Variants in ZNF385D observed in about 807,000 individuals in gnomAD.
The protein encoded by ZNF385D is zinc finger protein 385D, also known as zinc finger protein 659.
Under a neutral mutation model 35.8 loss-of-function variants are expected in ZNF385D, and 15 were observed. The observed-to-expected ratio is 0.42, with a 90% CI of 0.28 to 0.64. The LOEUF is 0.64. Ranked by LOEUF, ZNF385D falls within the 30% of genes least tolerant of loss-of-function variation. The pLI is 0.23. For missense variants in ZNF385D, 474 were observed against 494.6 expected, an observed-to-expected ratio of 0.96 and a Z score of 0.39; for synonymous variants, 212 against 186.8, an observed-to-expected ratio of 1.13 and a Z score of -1.10.
At chr3:22,073,977 T>C (rs547915818) in intron 3 of ZNF385D, among the ~76,000 whole-genome samples, 1 of 152,088 alleles carries the variant, frequency 6.6e-6, no homozygotes, top group South Asian at 2.1e-4. Flanking sequence ...ATTCCTTGTT[T>C]CTGCTTATAC....
At chr3:21,998,711 A>T (rs1695644854) in intron 3 of ZNF385D, among the ~76,000 whole-genome samples, 1 of 152,220 alleles carries the variant, frequency 6.6e-6, no homozygotes, top group African/African-American at 2.4e-5. Context: ...TATTTTGAGA[A>T]TGGTATTTTA....
chr3:22,203,592 G>A (rs1696950913), intron 2 of ZNF385D, among the ~76,000 whole-genome samples: 1 of 152,078 alleles, frequency 6.6e-6, no homozygotes. Flanking sequence ...GATGGCATTT[G>A]TGGACCCATC....
intron 3 of ZNF385D, among the ~76,000 whole-genome samples, chr3:21,847,184 T>C (rs986771738): frequency 6.6e-6 from 1 of 151,846 alleles, no homozygotes; most frequent in Non-Finnish European, 1.5e-5. Context: ...TTTTGATGAG[T>C]CATATATTTT....
intron 2 of ZNF385D, among the ~76,000 whole-genome samples, chr3:22,176,696 G>A (rs962734573): frequency 3.3e-5 from 5 of 152,114 alleles, no homozygotes; most frequent in African/African-American, 1.2e-4. Flanking sequence ...AGACTTTTTA[G>A]AATTGTAAGC....
intron 2 of ZNF385D, among the ~76,000 whole-genome samples, chr3:22,273,683 A>G (rs1190809994): frequency 6.6e-6 from 1 of 152,060 alleles, no homozygotes; most frequent in Non-Finnish European, 1.5e-5. Context: ...TCAGTGAGAG[A>G]ACGAGACAGA....
chr3:22,294,628 C>T (rs746419429), intron 2 of ZNF385D, among the ~76,000 whole-genome samples: 1 of 151,538 alleles, frequency 6.6e-6, no homozygotes, highest in Non-Finnish European at 1.5e-5. Context: ...TGAAAGAGAC[C>T]AGATTTGAAT....
intron 2 of ZNF385D, among the ~76,000 whole-genome samples, chr3:22,317,958 C>T (rs1703991318): frequency 1.3e-5 from 2 of 151,908 alleles, no homozygotes; most frequent in African/African-American, 4.8e-5. Flanking sequence ...TACTGGGAGG[C>T]TGCACTGGGA....
At chr3:21,773,100 C>T (rs974910383) in intron 3 of ZNF385D, among the ~76,000 whole-genome samples, 1 of 151,548 alleles carries the variant, frequency 6.6e-6, no homozygotes, top group Non-Finnish European at 1.5e-5. Context: ...TTCAGTTTTA[C>T]AAGATGAAAA....
At chr3:22,077,894 T>C (rs909854095) in intron 3 of ZNF385D, among the ~76,000 whole-genome samples, 3 of 151,976 alleles carry the variant, frequency 2.0e-5, no homozygotes, top group South Asian at 2.1e-4. Context: ...TTGTAGAAAA[T>C]GCTCAATCAC....
rs1705784104 is a variant in ZNF385D, at chr3:21,495,710, T to C, written c.439+15151A>G. On this transcript the variant is annotated intron_variant, in intron 4 of 7. Coordinates refer to ENST00000281523, the MANE Select transcript of ZNF385D (RefSeq NM_024697.3). ...GAAATAAAGAAAATCAAAGCTGAAC[T>C]GAAGGAAAGTGAGATGTAAAAAAAC... 1.3e-5 allele frequency among the ~76,000 whole-genome samples: 2 copies of C among 151,484 alleles called. 1 individual carries two copies. Among genetic ancestry groups the C allele is most frequent in the Non-Finnish European group, 2.9e-5 (2 of 67,864 alleles).
intron 3 of ZNF385D, among the ~76,000 whole-genome samples, chr3:22,017,816 C>T (rs1209712951): frequency 6.6e-6 from 1 of 151,874 alleles, no homozygotes; most frequent in African/African-American, 2.4e-5. Context: ...ATATTTTAAG[C>T]TGTCTATACA....
chr3:21,893,107 C>G (rs965652030), intron 3 of ZNF385D, among the ~76,000 whole-genome samples: 2 of 152,052 alleles, frequency 1.3e-5, no homozygotes, highest in Non-Finnish European at 2.9e-5. Flanking sequence ...TGCATGATAT[C>G]AAGTAAGTCA....
At chr3:22,357,785 T>C (rs1162348640) in intron 2 of ZNF385D, among the ~76,000 whole-genome samples, 1 of 151,810 alleles carries the variant, frequency 6.6e-6, no homozygotes, top group African/African-American at 2.4e-5. Flanking sequence ...TAACATCTTC[T>C]GCCAAAAGTG....
intron 2 of ZNF385D, among the ~76,000 whole-genome samples, chr3:22,244,802 T>G (rs531547763): frequency 2.7e-5 from 4 of 150,886 alleles, no homozygotes; most frequent in East Asian, 2.0e-4. Flanking sequence ...TTTATTATTT[T>G]GGGGGAATTT....
intron 2 of ZNF385D, among the ~76,000 whole-genome samples, chr3:22,210,722 T>C (rs1697463999): frequency 6.6e-6 from 1 of 151,872 alleles, no homozygotes; most frequent in Admixed American, 6.6e-5. Flanking sequence ...TCTCACCTAC[T>C]AGCAAACCAT....
chr3:21,831,751 AG>A (rs1171120345), intron 3 of ZNF385D, among the ~76,000 whole-genome samples: 4 of 152,182 alleles, frequency 2.6e-5, no homozygotes, highest in Non-Finnish European at 5.9e-5. Context: ...CAAAAGCCAC[AG>A]TTGACTGGGG....
intron 3 of ZNF385D, among the ~76,000 whole-genome samples, chr3:22,095,556 T>C (rs1422584511): frequency 1.3e-5 from 2 of 152,014 alleles, no homozygotes; most frequent in Admixed American, 1.3e-4. Context: ...GTGAATGAAA[T>C]TCCTGTATAA....
intron 4 of ZNF385D, among the ~76,000 whole-genome samples, chr3:21,471,207 C>T (rs895335719): frequency 6.6e-6 from 1 of 151,694 alleles, no homozygotes; most frequent in Non-Finnish European, 1.5e-5. Context: ...TATTCCCTTC[C>T]TTCCAGGATT....
At chr3:21,668,425 ATCCTATAT>A (rs1254554795) in intron 1 of ZNF385D, among the ~76,000 whole-genome samples, 2 of 152,072 alleles carry the variant, frequency 1.3e-5, no homozygotes, top group Non-Finnish European at 2.9e-5. Flanking sequence ...CCTCTTCCCA[ATCCTATAT>A]CCCTCACGTC....
Sources: gnomAD v4.1 joint callset for allele counts (sites outside exome capture counted in the v4.1 genomes callset) on GRCh38, gnomAD v4.1.1 for gene constraint, MANE v1.5 for transcripts, NCBI Gene and HGNC (gene_info 2026-07-23, HGNC 2026-07-21) for gene names.